PABPC4L: variants seen among roughly 807,000 people sequenced by gnomAD.
PABPC4L encodes polyadenylate-binding protein 4-like.
For missense variants in PABPC4L, 452 were observed against 451.4 expected, an observed-to-expected ratio of 1.00 and a Z score of -0.01; for synonymous variants, 169 against 164.1, an observed-to-expected ratio of 1.03 and a Z score of -0.23.
chr4:134,063,829 A>G, the PABPC4L span, among the ~76,000 whole-genome samples: 3 of 152,014 alleles, frequency 2.0e-5, no homozygotes, highest in African/African-American at 7.2e-5. Flanking sequence ...TAAGTTATTT[A>G]TTGTTCTTCT....
chr4:133,955,779 T>C, the PABPC4L span, among the ~76,000 whole-genome samples: 1 of 152,322 alleles, frequency 6.6e-6, no homozygotes, highest in South Asian at 2.1e-4. Context: ...ATGCCTGTAT[T>C]TTTAGGACAC....
At chr4:134,074,794 C>T in the PABPC4L span, among the ~76,000 whole-genome samples, 2 of 152,054 alleles carry the variant, frequency 1.3e-5, no homozygotes, top group East Asian at 3.9e-4. Context: ...GTGGAAAAGT[C>T]CCTCATAAAA....
the PABPC4L span, among the ~76,000 whole-genome samples, chr4:134,186,840 T>G: frequency 6.6e-6 from 1 of 151,806 alleles, no homozygotes; most frequent in East Asian, 1.9e-4. Context: ...TTAAACAAAT[T>G]TACATGAAAA....
the PABPC4L span, among the ~76,000 whole-genome samples, chr4:134,092,718 C>T: frequency 3.6e-4 from 55 of 152,130 alleles, no homozygotes; most frequent in Non-Finnish European, 7.4e-4. Flanking sequence ...CTCCTGCATC[C>T]ACTCACCTGT....
chr4:134,102,044 C>G, the PABPC4L span, among the ~76,000 whole-genome samples: 1 of 151,440 alleles, frequency 6.6e-6, no homozygotes. Context: ...CCATACAAAT[C>G]TAATTTCACT....
At chr4:134,132,226 A>G in the PABPC4L span, among the ~76,000 whole-genome samples, 1 of 152,076 alleles carries the variant, frequency 6.6e-6, no homozygotes, top group Admixed American at 6.6e-5. Flanking sequence ...GAATAAATTA[A>G]CCTCAAAAGA....
the PABPC4L span, among the ~76,000 whole-genome samples, chr4:134,179,357 A>C: frequency 5.9e-5 from 9 of 152,314 alleles, no homozygotes; most frequent in African/African-American, 2.2e-4. Flanking sequence ...CATTGCCAGC[A>C]GATCTGCCTT....
chr4:134,126,162 T>A, the PABPC4L span, among the ~76,000 whole-genome samples: 1 of 152,042 alleles, frequency 6.6e-6, no homozygotes, highest in East Asian at 1.9e-4. Context: ...CATATGACAG[T>A]CCTGTATTTC....
the PABPC4L span, among the ~76,000 whole-genome samples, chr4:134,090,496 A>G: frequency 1.2e-4 from 18 of 152,102 alleles, no homozygotes; most frequent in Admixed American, 1.2e-3. Flanking sequence ...GACCAGGTGC[A>G]GTGGCTTATG....
At chr4:134,049,707 T>G in the PABPC4L span, among the ~76,000 whole-genome samples, 1 of 152,196 alleles carries the variant, frequency 6.6e-6, no homozygotes, top group African/African-American at 2.4e-5. Context: ...AGATCAGGAT[T>G]GCATATTCTG....
chr4:134,134,193 A>T, the PABPC4L span, among the ~76,000 whole-genome samples: 1 of 152,056 alleles, frequency 6.6e-6, no homozygotes, highest in East Asian at 1.9e-4. Flanking sequence ...TTAAGTTCTA[A>T]CTATCCAGGT....
chr4:133,981,997 G>T, the PABPC4L span, among the ~76,000 whole-genome samples: 2 of 151,788 alleles, frequency 1.3e-5, no homozygotes, highest in Non-Finnish European at 2.9e-5. Flanking sequence ...ACTGTATAGG[G>T]ACATAAAAAA....
At chr4:134,096,498 A>G in the PABPC4L span, among the ~76,000 whole-genome samples, 2 of 151,968 alleles carry the variant, frequency 1.3e-5, no homozygotes, top group East Asian at 3.9e-4. Flanking sequence ...AGTTTTTTGT[A>G]CATATTGTAT....
the PABPC4L span, among the ~76,000 whole-genome samples, chr4:134,135,476 A>C: frequency 6.6e-6 from 1 of 152,134 alleles, no homozygotes; most frequent in African/African-American, 2.4e-5. Context: ...CCATTAAAGT[A>C]TATTAAAGAC....
At chr4:133,979,080 T>C in the PABPC4L span, among the ~76,000 whole-genome samples, 1 of 152,092 alleles carries the variant, frequency 6.6e-6, no homozygotes, top group African/African-American at 2.4e-5. Flanking sequence ...CCTAAATAAA[T>C]GAAAAGATTT....
At chr4:134,008,706 T>C in the PABPC4L span, among the ~76,000 whole-genome samples, 6 of 151,846 alleles carry the variant, frequency 4.0e-5, no homozygotes, top group Admixed American at 3.9e-4. Context: ...TGGAAGTATG[T>C]AGCAAGAATT....
the PABPC4L span, among the ~76,000 whole-genome samples, chr4:134,105,413 T>G: frequency 6.6e-6 from 1 of 151,708 alleles, no homozygotes; most frequent in South Asian, 2.1e-4. Context: ...ATAATAGGTG[T>G]ATTAATATTA....
the PABPC4L span, among the ~76,000 whole-genome samples, chr4:133,996,722 C>G: frequency 6.6e-6 from 1 of 152,130 alleles, no homozygotes; most frequent in East Asian, 1.9e-4. Context: ...GGTATTTTGC[C>G]TGACAGCCCA....
chr4:134,050,248 C>G, the PABPC4L span, among the ~76,000 whole-genome samples: 2 of 152,220 alleles, frequency 1.3e-5, no homozygotes, highest in East Asian at 3.9e-4. Context: ...CATGAATGCT[C>G]TAAGATATTT....
Sources: allele counts gnomAD v4.1 joint callset (sites outside exome capture counted in the v4.1 genomes callset), GRCh38; gene constraint gnomAD v4.1.1; transcripts MANE v1.5; gene names NCBI Gene and HGNC (gene_info 2026-07-23, HGNC 2026-07-21).